Variants in CFHR4 observed in about 807,000 individuals in gnomAD.
CFHR4 encodes complement factor H related 4.
A neutral mutation model predicts 69.3 loss-of-function variants in CFHR4; 64 were observed. The ratio of observed to expected loss-of-function variants is 0.92; its 90% CI spans 0.76 to 1.14. CFHR4 has a LOEUF of 1.14. Among genes scored for constraint, CFHR4 ranks in the 50% most tolerant of loss-of-function variants. The pLI, the probability that CFHR4 is intolerant of heterozygous loss-of-function variation, is 0.00. For synonymous variants in CFHR4, 244 were observed against 237.0 expected, an observed-to-expected ratio of 1.03 and a Z score of -0.27; for missense variants, 636 against 684.9, an observed-to-expected ratio of 0.93 and a Z score of 0.80.
chr1:196,916,590 G>A (rs1658647532), intron 9 of CFHR4, among the ~76,000 whole-genome samples: 1 of 151,848 alleles, frequency 6.6e-6, no homozygotes, highest in African/African-American at 2.4e-5. Context: ...TCCAAACTAT[G>A]CAAGTGGCAA....
chr1:196,903,523 C>T (rs1484587047), intron 2 of CFHR4, among the ~76,000 whole-genome samples: 1 of 151,018 alleles, frequency 6.6e-6, no homozygotes, highest in Non-Finnish European at 1.5e-5. Context: ...TGCAGTGGCA[C>T]ATGCCTGTAA....
intron 2 of CFHR4, among the ~76,000 whole-genome samples, chr1:196,904,227 G>A (rs918625052): frequency 2.0e-5 from 3 of 151,540 alleles, no homozygotes; most frequent in Non-Finnish European, 2.9e-5. Flanking sequence ...AATTGTTTAC[G>A]AGAGAAACTG....
chr1:196,893,329 C>A (rs188821569), intron 1 of CFHR4, among the ~76,000 whole-genome samples: 1 of 151,612 alleles, frequency 6.6e-6, no homozygotes, highest in Admixed American at 6.6e-5. Flanking sequence ...AAGCAGGTAA[C>A]AGTATTATCC....
intron 1 of CFHR4, among the ~76,000 whole-genome samples, chr1:196,888,761 A>C (rs576782075): frequency 5.3e-5 from 8 of 151,638 alleles, no homozygotes; most frequent in African/African-American, 1.7e-4. Flanking sequence ...TGTAAATCAC[A>C]ACATATATGT....
In CFHR4 at chr1:196,905,119, A is replaced by T. The variant is rs758389520; in HGVS notation, c.268A>T (p.Lys90Ter). Residue 90 changes from lysine (K) to a stop codon, truncating the protein, a stop_gained, in exon 3 of 10, where the codon AAA becomes TAA. Transcript: ENST00000608469. LOFTEE classifies it high-confidence loss of function. Reference sequence around the variant, plus strand: ...TTTTTCTATTTTAGGAACATGCTCAAAATCAGATGTAGAAATTGAAAATGG... The same window carrying T: ...TTTTTCTATTTTAGGAACATGCTCATAATCAGATGTAGAAATTGAAAATGG... The part of the protein sequence containing the change: ...PTVPCLRTCS[K>*]SDVEIENGFI... 1 of 1,598,162 alleles carries T rather than the reference A, an allele frequency of 6.3e-7. No individual in the cohort carries two copies. The highest frequency in any genetic ancestry group is 8.5e-7 in the Non-Finnish European group (1 of 1,173,220).
intron 1 of CFHR4, 47 bp from the exon 2 acceptor site, chr1:196,902,371 G>T (rs745663371): frequency 3.1e-6 from 4 of 1,275,172 alleles, no homozygotes; most frequent in Non-Finnish European, 4.5e-6. Context: ...ATGATTATCT[G>T]TTATAGAAAA....
Position 196,911,073 on chromosome 1 carries a change from T to C in CFHR4, c.997+595T>C, listed in dbSNP as rs1658243448. Among the ~76,000 whole-genome samples, 4 of 151,522 alleles carry C rather than the reference T, an allele frequency of 2.6e-5. No homozygotes were observed. In the South Asian group the frequency reaches 8.3e-4, roughly 31 times the overall value. ...GGATGAATGGTCTCCTCCTCCCAGA[T>C]GCATTCGTGTCAGTTAGTCCACTTG... On this transcript the variant is annotated intron_variant, in intron 6 of 9. Coordinates refer to ENST00000608469, the MANE Select transcript of CFHR4 (RefSeq NM_001201550.3).
At chr1:196,914,068 A>G (rs1658434292) in intron 7 of CFHR4, among the ~76,000 whole-genome samples, 1 of 151,614 alleles carries the variant, frequency 6.6e-6, no homozygotes, top group Non-Finnish European at 1.5e-5. Flanking sequence ...TCCAATTAAT[A>G]TAATTTTTAT....
In CFHR4 at chr1:196,918,185, TA is replaced by T. The variant is rs757520552; in HGVS notation, c.1541-23del. The T allele has an allele frequency of 4.8e-5, 77 of 1,594,344 alleles. 1 individual carries two copies. Among genetic ancestry groups the T allele is most frequent in the Non-Finnish European group, 6.1e-5 (71 of 1,167,460 alleles). The stretch of plus-strand genomic sequence containing the variant: ...TCATGAAAGGCAAGATTATGATTGT[TA>T]ATTGTTTCTTTTTCTGCTTTCAGAT... On this transcript the variant is annotated intron_variant, in intron 9 of 9. Coordinates refer to ENST00000608469, the MANE Select transcript of CFHR4 (RefSeq NM_001201550.3).
intron 1 of CFHR4, among the ~76,000 whole-genome samples, chr1:196,899,574 G>C (rs116690366): frequency 0.021 from 3,235 of 151,584 alleles, 202 homozygotes; most frequent in African/African-American, 0.073. Context: ...GGATTATCGT[G>C]CCCAAACCCA....
At chr1:196,897,208 T>C (rs1453424252) in intron 1 of CFHR4, among the ~76,000 whole-genome samples, 3 of 151,734 alleles carry the variant, frequency 2.0e-5, no homozygotes, top group South Asian at 4.1e-4. Context: ...GGGTGTTATC[T>C]GCTTTGTCGC....
chr1:196,897,306 C>G (rs1440810442), intron 1 of CFHR4, among the ~76,000 whole-genome samples: 1 of 151,408 alleles, frequency 6.6e-6, no homozygotes, highest in African/African-American at 2.4e-5. Context: ...CCCACGGCAG[C>G]GTCTAGGGTA....
rs531109932 is a variant in CFHR4 at position 196,888,678 on chromosome 1, A to G, written c.58+470A>G. Among the ~76,000 whole-genome samples, 21 of 151,256 alleles carry G rather than the reference A, an allele frequency of 1.4e-4. 1 individual carries two copies. Among genetic ancestry groups the G allele is most frequent in the African/African-American group, 5.1e-4 (21 of 41,032 alleles). On this transcript the variant is annotated intron_variant, in intron 1 of 9. Transcript: ENST00000608469. ...AAATTATGCCATTTCTTATATTTCT[A>G]TTATACCTTAAGAAAGCTGCTACAT...
At chr1:196,905,522 A>G (rs929637001) in intron 3 of CFHR4, among the ~76,000 whole-genome samples, 1 of 151,504 alleles carries the variant, frequency 6.6e-6, no homozygotes, top group Non-Finnish European at 1.5e-5. Flanking sequence ...CTTTACGTAA[A>G]AGCAATCCCA....
intron 1 of CFHR4, among the ~76,000 whole-genome samples, chr1:196,899,223 T>C (rs1427945972): frequency 6.6e-6 from 1 of 151,270 alleles, no homozygotes; most frequent in African/African-American, 2.5e-5. Context: ...ACATATTCTT[T>C]TTTTTTTCTA....
chr1:196,916,653 A>G (rs1231103566), intron 9 of CFHR4, among the ~76,000 whole-genome samples: 2 of 151,794 alleles, frequency 1.3e-5, no homozygotes, highest in Admixed American at 1.3e-4. Context: ...AAGTATCTTC[A>G]AACTTGATTT....
At position 196,916,225 on chromosome 1, in the gene CFHR4, A is replaced by T. The variant is rs114887758; in HGVS notation, c.1540+1087A>T. On this transcript the variant is annotated intron_variant, in intron 9 of 9. Coordinates refer to ENST00000608469, the MANE Select transcript of CFHR4 (RefSeq NM_001201550.3). ...CAAAAAAATATAAGCCACAATAATT[A>T]TGGCAACAACAAGAAAACCTAAAAG... 5.8e-3 allele frequency among the ~76,000 whole-genome samples: 875 copies of T among 151,700 alleles called. 42 individuals are homozygous for T. Among genetic ancestry groups the T allele is most frequent in the African/African-American group, 0.02 (844 of 41,176 alleles).
intron 9 of CFHR4, among the ~76,000 whole-genome samples, chr1:196,915,891 A>G (rs1658591868): frequency 6.6e-6 from 1 of 151,534 alleles, no homozygotes; most frequent in African/African-American, 2.4e-5. Flanking sequence ...TCAAAAAACC[A>G]CGAACTATTA....
intron 1 of CFHR4, among the ~76,000 whole-genome samples, chr1:196,890,780 C>T (rs184206350): frequency 1.3e-5 from 2 of 151,496 alleles, no homozygotes; most frequent in African/African-American, 4.9e-5. Flanking sequence ...GTGTATTTCA[C>T]GTGCCCCCAT....
Sources: gnomAD v4.1 joint callset for allele counts (sites outside exome capture counted in the v4.1 genomes callset) on GRCh38, gnomAD v4.1.1 for gene constraint, MANE v1.5 for transcripts, NCBI Gene and HGNC (gene_info 2026-07-23, HGNC 2026-07-21) for gene names.